The following RIC8B variants were observed in gnomAD, a reference collection of about 807,000 sequenced individuals.
RIC8B encodes chaperone Ric-8B.
Under a neutral mutation model 57.5 loss-of-function variants are expected in RIC8B, and 16 were observed. The observed-to-expected ratio is 0.28, with a 90% CI of 0.19 to 0.42. The LOEUF is 0.42. RIC8B is among the 10% of genes least tolerant of loss of function. RIC8B has a pLI of 1.00. For synonymous variants in RIC8B, 216 were observed against 250.8 expected (o/e 0.86, Z 1.31); for missense variants, 481 against 677.0 (o/e 0.71, Z 3.21).
intron 8 of RIC8B, among the ~76,000 whole-genome samples, chr12:106,862,379 T>C (rs976661337): frequency 1.3e-5 from 2 of 152,098 alleles, no homozygotes; most frequent in African/African-American, 4.8e-5. Flanking sequence ...TGTGGTGAGA[T>C]ATTTAATGTT....
At chr12:106,837,305 C>T (rs1318275816) in intron 4 of RIC8B, among the ~76,000 whole-genome samples, 4 of 151,724 alleles carry the variant, frequency 2.6e-5, no homozygotes, top group Non-Finnish European at 5.9e-5. Flanking sequence ...GAGGTTGCAG[C>T]GAGCCAAGAT....
chr12:106,781,685 CTGAG>C (rs1377483451), intron 1 of RIC8B, among the ~76,000 whole-genome samples: 2 of 152,290 alleles, frequency 1.3e-5, no homozygotes, highest in African/African-American at 2.4e-5. Context: ...TTATAACTTA[CTGAG>C]TGTCTTTCCA....
intron 3 of RIC8B, chr12:106,823,340 AGTT>A (rs1593212334): frequency 7.2e-6 from 3 of 415,830 alleles, no homozygotes; most frequent in East Asian, 1.4e-4. Flanking sequence ...GGATTTTGGT[AGTT>A]GTTTTGAGTA....
chr12:106,871,471 T>TAAAAAAAAAAAAAAAAAAAAAAAAAAA (rs1387727022), intron 9 of RIC8B: 1 of 30,912 alleles, frequency 3.2e-5, no homozygotes, highest in African/African-American at 1.3e-4. Context: ...TTAGGAGTTC[T>TAAAAAAAAAAAAAAAAAAAAAAAAAAA]AAAAAAAAAA....
At chr12:106,874,476 C>A in intron 9 of RIC8B, 1 of 1,550,510 alleles carries the variant, frequency 6.4e-7, no homozygotes, top group Non-Finnish European at 8.7e-7. Context: ...TTTTTCCATC[C>A]ATAGGAGAGC....
intron 1 of RIC8B, among the ~76,000 whole-genome samples, chr12:106,777,176 A>G (rs1045621784): frequency 3.9e-5 from 6 of 152,170 alleles, no homozygotes; most frequent in Admixed American, 3.9e-4. Context: ...AAGCTCTCAT[A>G]TTTAATACTG....
chr12:106,792,010 T>A (rs572871706), intron 2 of RIC8B, among the ~76,000 whole-genome samples: 31 of 152,330 alleles, frequency 2.0e-4, no homozygotes, highest in South Asian at 4.1e-4. Context: ...TGACTCAAAA[T>A]TTATTTGGTG....
At chr12:106,823,336 T>G (rs993007624) in intron 3 of RIC8B, 63 of 413,106 alleles carry the variant, frequency 1.5e-4, no homozygotes, top group Admixed American at 2.5e-5. Flanking sequence ...CCAGGGATTT[T>G]GGTAGTTGTT....
intron 1 of RIC8B, among the ~76,000 whole-genome samples, chr12:106,777,495 T>TC (rs1412819804): frequency 6.6e-6 from 1 of 151,884 alleles, no homozygotes; most frequent in African/African-American, 2.4e-5. Flanking sequence ...CATTGAGGAG[T>TC]CCAACAGAGA....
chr12:106,875,606 C>T (rs117784206), intron 9 of RIC8B, among the ~76,000 whole-genome samples: 3,637 of 152,156 alleles, frequency 0.024, 67 homozygotes, highest in Non-Finnish European at 0.038. Flanking sequence ...TACATTGGAA[C>T]CAGAGCTAAT....
intron 4 of RIC8B, among the ~76,000 whole-genome samples, chr12:106,837,146 G>A (rs556937649): frequency 7.4e-4 from 112 of 152,202 alleles, no homozygotes; most frequent in African/African-American, 2.5e-3. Context: ...GGCGGATCAC[G>A]AGGTCAGGAG....
At chr12:106,823,706 C>T (rs1266820977) in intron 3 of RIC8B, among the ~76,000 whole-genome samples, 10 of 142,446 alleles carry the variant, frequency 7.0e-5, no homozygotes, top group Admixed American at 3.6e-4. Context: ...TTTTTTGAGA[C>T]GGAGTTTAGC....
At chr12:106,775,772 T>C (rs879740596) in intron 1 of RIC8B, among the ~76,000 whole-genome samples, 1 of 152,234 alleles carries the variant, frequency 6.6e-6, no homozygotes, top group African/African-American at 2.4e-5. Context: ...CTTTATCCTT[T>C]GGTTTAGAAG....
chr12:106,843,487 C>T (rs1197413144), intron 5 of RIC8B, among the ~76,000 whole-genome samples: 2 of 152,022 alleles, frequency 1.3e-5, no homozygotes, highest in Non-Finnish European at 2.9e-5. Context: ...CATAAGATGT[C>T]CCCACCTCGT....
intron 2 of RIC8B, among the ~76,000 whole-genome samples, chr12:106,803,144 C>A (rs756321207): frequency 5.2e-5 from 7 of 134,872 alleles, no homozygotes; most frequent in Non-Finnish European, 1.1e-4. Context: ...CCCCGGAGTT[C>A]GAAGTTACAG....
At chr12:106,852,184 G>A (rs979167266) in intron 7 of RIC8B, among the ~76,000 whole-genome samples, 1 of 152,156 alleles carries the variant, frequency 6.6e-6, no homozygotes, top group African/African-American at 2.4e-5. Flanking sequence ...ATTGTCTACT[G>A]AGATAGATCC....
At chr12:106,855,053 A>T (rs977226892) in intron 7 of RIC8B, among the ~76,000 whole-genome samples, 3 of 152,210 alleles carry the variant, frequency 2.0e-5, no homozygotes, top group African/African-American at 2.4e-5. Context: ...TTAAAAGAAG[A>T]TGATTTGTAA....
chr12:106,879,977 A>G lies in RIC8B; in HGVS notation c.1572-5927A>G. On this transcript the variant is annotated intron_variant, in intron 9 of 9. Transcript: ENST00000392837. The surrounding 1 kb of genome is among the most constrained non-coding windows in gnomAD (Gnocchi z 4.9). ...GTATGAAGGAGTTGTTGCTATGTGA[A>G]TATCTTAATCCTGATACACATTTCA... is the stretch of plus-strand genomic sequence containing the variant. The G allele has an allele frequency of 4.1e-6, 4 of 983,534 alleles. No homozygotes were observed. Among genetic ancestry groups the G allele is most frequent in the Non-Finnish European group, 4.8e-6 (4 of 828,226 alleles). 60.9% of individuals were successfully genotyped at this position (983,534 alleles called of 1,614,324 possible).
At chr12:106,851,703 C>T (rs1250763745) in intron 7 of RIC8B, 109 bp downstream of exon 7, 5 of 943,112 alleles carry the variant, frequency 5.3e-6, no homozygotes, top group Non-Finnish European at 7.8e-6. Context: ...CCAAAGCTTA[C>T]TGTCTGTTCT....
Sources: gnomAD v4.1 joint callset for allele counts (sites outside exome capture counted in the v4.1 genomes callset) on GRCh38, gnomAD v4.1.1 for gene constraint, Gnocchi (gnomAD v3.1) non-coding constraint, MANE v1.5 for transcripts, NCBI Gene and HGNC (gene_info 2026-07-23, HGNC 2026-07-21) for gene names.